ODF2: variants seen among roughly 807,000 people sequenced by gnomAD.
The protein encoded by ODF2 is outer dense fiber protein 2.
A neutral mutation model predicts 110.2 loss-of-function variants in ODF2; 47 were observed. That is an observed-to-expected ratio of 0.43 (90% CI 0.34 to 0.54). The LOEUF (loss-of-function observed/expected upper bound fraction) is 0.54. Among genes scored for constraint, ODF2 ranks in the 20% least tolerant of loss-of-function variants. The probability of loss-of-function intolerance (pLI) is 0.03; values close to 1 mark genes in which losing one functional copy is unlikely to be tolerated. For missense variants in ODF2, 812 were observed against 1,054.5 expected, an observed-to-expected ratio of 0.77 and a Z score of 3.19; for synonymous variants, 352 against 397.7, an observed-to-expected ratio of 0.89 and a Z score of 1.37.
chr9:128,484,579 G>T, intron 11 of ODF2, 122 bp from the exon 12 acceptor site: 6 of 1,078,386 alleles, frequency 5.6e-6, no homozygotes, highest in African/African-American at 3.2e-5. Flanking sequence ...ACTTTTTTCT[G>T]TCTTCCTCGT....
At chr9:128,469,501 G>C (rs1839170424) in intron 5 of ODF2, 148 bp downstream of exon 5, 1 of 744,734 alleles carries the variant, frequency 1.3e-6, no homozygotes, top group Admixed American at 2.5e-5. Flanking sequence ...GCCTGCCCCG[G>C]GAGGTAGCTG....
At chr9:128,458,444 A>G (rs191694863) in intron 2 of ODF2, among the ~76,000 whole-genome samples, 1 of 147,668 alleles carries the variant, frequency 6.8e-6, no homozygotes, top group Non-Finnish European at 1.5e-5. Context: ...CCTGGGCGAC[A>G]GAGCGAGACT....
chr9:128,456,157 C>T (rs1480441535), exon 1 of ODF2: 11 of 1,549,296 alleles, frequency 7.1e-6, no homozygotes, highest in Non-Finnish European at 6.1e-6. Context: ...CTGCCAGAGC[C>T]AGACTGCATC....
At chr9:128,491,979 C>T (rs907636281) in intron 14 of ODF2, among the ~76,000 whole-genome samples, 2 of 151,510 alleles carry the variant, frequency 1.3e-5, no homozygotes, top group Non-Finnish European at 2.9e-5. Flanking sequence ...CATCCTCCTG[C>T]CTCAGCCTCC....
Position 128,494,957 on chromosome 9 carries a change from G to A in ODF2, c.1911+289G>A. ...GCCTCTGCCTGTGTGCTCCGCAGCT[G>A]TCCTCAGCTCCACACCCACAGCTGG... On this transcript the variant is annotated intron_variant, in intron 17 of 20. Coordinates refer to ENST00000604420, the Ensembl canonical transcript of ODF2. The surrounding 1 kb of genome is among the most constrained non-coding windows in gnomAD (Gnocchi z 4.6). 1.2e-6 allele frequency: 1 copy of A among 807,918 alleles called. No homozygotes were observed. The highest frequency in any genetic ancestry group is 1.9e-6 in the Non-Finnish European group (1 of 534,790). The allele number at this position is 807,918 out of a possible 1,614,324, so 50.0% of individuals were successfully genotyped here.
At chr9:128,460,600 G>A in intron 3 of ODF2, 1 of 1,614,000 alleles carries the variant, frequency 6.2e-7, no homozygotes, top group Non-Finnish European at 8.5e-7. Flanking sequence ...ATGTTCACGT[G>A]GATGAGAACA....
rs1843210794 is a variant in ODF2 at position 128,485,612 on chromosome 9, T to C, written c.1400+138T>C. The C allele has an allele frequency of 6.6e-6, 4 of 605,104 alleles. No individual in the cohort carries two copies. Among genetic ancestry groups the C allele is most frequent in the South Asian group, 1.9e-5 (1 of 51,554 alleles). The allele number at this position is 605,104 out of a possible 1,614,324, so 37.5% of individuals were successfully genotyped here. Reference sequence around the variant, plus strand: ...GGTTGGGGGCTGCACTGGGCTGTGATGTGGGTAGCCCTGAGCTGGGCTTTC... The same window carrying C: ...GGTTGGGGGCTGCACTGGGCTGTGACGTGGGTAGCCCTGAGCTGGGCTTTC... On this transcript the variant is annotated intron_variant, in intron 13 of 20. Transcript: ENST00000604420. The surrounding 1 kb of genome is among the most constrained non-coding windows in gnomAD (Gnocchi z 5.0).
At chr9:128,465,700 C>T (rs938566535) in intron 4 of ODF2, among the ~76,000 whole-genome samples, 10 of 149,788 alleles carry the variant, frequency 6.7e-5, no homozygotes, top group African/African-American at 1.7e-4. Context: ...GAGATTGCAC[C>T]ACTGCACTCC....
chr9:128,481,789 T>G (rs975538264), intron 9 of ODF2, 138 bp downstream of exon 9: 1 of 609,774 alleles, frequency 1.6e-6, no homozygotes, highest in Non-Finnish European at 2.8e-6. Flanking sequence ...ATCTGTAAAA[T>G]GGGCTGATGT....
rs878997443 is a variant in ODF2, at chr9:128,482,895, GC to G, written c.987+9del. ...GAAATACAATGTGAGAAGGTAGTGT[GC>G]TTTTTTTTTTTTTTTTTTTAGACGG... On this transcript the variant is annotated intron_variant, in intron 10 of 20. Coordinates refer to ENST00000604420, the Ensembl canonical transcript of ODF2. 2.1e-6 allele frequency: 3 copies of G among 1,435,952 alleles called. No individual in the cohort carries two copies. Among genetic ancestry groups the G allele is most frequent in the Admixed American group, 2.5e-5 (1 of 40,178 alleles). 89.0% of individuals were successfully genotyped at this position (1,435,952 alleles called of 1,614,324 possible).
chr9:128,482,790 A>C (rs1312388770), intron 9 of ODF2, 26 bp from the exon 10 acceptor site: 1 of 1,603,024 alleles, frequency 6.2e-7, no homozygotes, highest in African/African-American at 1.3e-5. Flanking sequence ...TCCCAGGGGC[A>C]CCTGACAGCC....
At chr9:128,457,289 A>G (rs1009189912) in exon 2 of ODF2, 72 of 1,605,344 alleles carry the variant, frequency 4.5e-5, no homozygotes, top group Non-Finnish European at 5.9e-5. Flanking sequence ...CTCCCCTCAG[A>G]GAGGACGTTT....
At chr9:128,497,454 T>C (rs13285739) in intron 18 of ODF2, 2 of 60,052 alleles carry the variant, frequency 3.3e-5, no homozygotes, top group East Asian at 5.8e-4. Flanking sequence ...AAAATATATA[T>C]ATATATATAT....
chr9:128,499,639 T>A (rs1450986376), intron 20 of ODF2, among the ~76,000 whole-genome samples: 1 of 151,818 alleles, frequency 6.6e-6, no homozygotes, highest in Non-Finnish European at 1.5e-5. Flanking sequence ...AGACAGAGTT[T>A]CATTCTGTCA....
chr9:128,467,523 T>C (rs1303252569), intron 4 of ODF2, among the ~76,000 whole-genome samples: 1 of 151,986 alleles, frequency 6.6e-6, no homozygotes, highest in East Asian at 1.9e-4. Context: ...GACGGGCTTA[T>C]CACCTGAGGT....
chr9:128,460,156 A>C (rs893641356), intron 3 of ODF2: 27 of 1,297,478 alleles, frequency 2.1e-5, no homozygotes, highest in Non-Finnish European at 2.4e-5. Context: ...CTGCATGCCC[A>C]GTTGAGATCA....
intron 5 of ODF2, among the ~76,000 whole-genome samples, chr9:128,470,037 AT>A (rs1839530259): frequency 4.3e-5 from 4 of 93,044 alleles, no homozygotes; most frequent in Non-Finnish European, 6.5e-5. Flanking sequence ...ATATATATAT[AT>A]ATATATATAA....
rs374574012 is a variant in ODF2, at chr9:128,471,417, C to T, written c.530C>T (p.Thr177Met). 1.9e-6 allele frequency: 3 copies of T among 1,613,028 alleles called. No homozygotes were observed. Among genetic ancestry groups the T allele is most frequent in the East Asian group, 2.2e-5 (1 of 44,784 alleles). ...CTGGCTGAGACTGAGCACGAGAACA[C>T]GGTGTTGAGGCACAACATCGAGCGC... The change falls in exon 6 of 21, where the codon ACG becomes ATG. Residue 177 changes from threonine (T) to methionine (M), a missense_variant. Thr to Met is a moderately conservative substitution (Grantham distance 81). Around this residue, in one of 5 missense-constraint regions of ODF2, gnomAD observed 219 missense variants for 321.3 expected, o/e 0.68. Coordinates refer to ENST00000604420, the Ensembl canonical transcript of ODF2.
At chr9:128,456,456 G>C in intron 1 of ODF2, 1 of 1,515,880 alleles carries the variant, frequency 6.6e-7, no homozygotes, top group Non-Finnish European at 8.8e-7. Context: ...TCCCGCTAAC[G>C]GGCGGTCGGC....
Sources: gnomAD v4.1 joint callset for allele counts (sites outside exome capture counted in the v4.1 genomes callset) on GRCh38, gnomAD v4.1.1 for gene constraint, gnomAD v4.1.1 regional missense constraint, Gnocchi (gnomAD v3.1) non-coding constraint, MANE v1.5 for transcripts, NCBI Gene and HGNC (gene_info 2026-07-23, HGNC 2026-07-21) for gene names.